Variants in IFT74 observed in about 807,000 individuals in gnomAD.
IFT74 encodes intraflagellar transport 74, also known as intraflagellar transport protein 74 homolog.
IFT74 carries 92 observed loss-of-function variants against 96.7 expected under a neutral mutation model. That is an observed-to-expected ratio of 0.95 (90% CI 0.80 to 1.13). The LOEUF (loss-of-function observed/expected upper bound fraction) is 1.13. Ranked by LOEUF, IFT74 falls within the 50% of genes most tolerant of loss-of-function variation. The pLI is 0.00. For missense variants in IFT74, 811 were observed against 698.2 expected (o/e 1.16, Z -1.82); for synonymous variants, 223 against 213.2 (o/e 1.05, Z -0.40).
intron 4 of IFT74, 22 bp downstream of exon 4, chr9:26,980,641 A>C: frequency 6.7e-7 from 1 of 1,496,584 alleles, no homozygotes; most frequent in Non-Finnish European, 9.3e-7. Context: ...ATATCTTTTC[A>C]TCCGTATGTT....
intron 8 of IFT74, among the ~76,000 whole-genome samples, chr9:27,006,385 C>T (rs1267610735): frequency 6.6e-6 from 1 of 152,056 alleles, no homozygotes; most frequent in African/African-American, 2.4e-5. Flanking sequence ...ATAATTTGAA[C>T]TCAGGAATTT....
At chr9:27,040,109 A>C (rs1488211142) in intron 13 of IFT74, among the ~76,000 whole-genome samples, 2 of 152,208 alleles carry the variant, frequency 1.3e-5, no homozygotes, top group Non-Finnish European at 2.9e-5. Flanking sequence ...ATTGCATAAC[A>C]AAAAATGGTT....
chr9:26,947,651 G>C (rs2131445087), intron 1 of IFT74, among the ~76,000 whole-genome samples: 1 of 152,310 alleles, frequency 6.6e-6, no homozygotes, highest in Admixed American at 6.5e-5. Flanking sequence ...AGAATCTCGA[G>C]GTTTTTGCAA....
chr9:26,951,005 T>A (rs959829784), intron 1 of IFT74, among the ~76,000 whole-genome samples: 12 of 152,262 alleles, frequency 7.9e-5, no homozygotes, highest in African/African-American at 2.9e-4. Flanking sequence ...GTCAACTGTC[T>A]GTCTGCATAC....
intron 3 of IFT74, among the ~76,000 whole-genome samples, chr9:26,978,934 G>GGT (rs1359876805): frequency 5.9e-5 from 9 of 151,902 alleles, no homozygotes; most frequent in African/African-American, 2.2e-4. Flanking sequence ...TTAGATCTGT[G>GGT]GTATATATAA....
chr9:27,030,701 G>A (rs1006855293), intron 13 of IFT74, among the ~76,000 whole-genome samples: 1 of 152,198 alleles, frequency 6.6e-6, no homozygotes, highest in South Asian at 2.1e-4. Flanking sequence ...GTAAAGCGGA[G>A]TATTATTGGC....
chr9:27,060,781 A>T, intron 19 of IFT74, 130 bp downstream of exon 19: 1 of 517,120 alleles, frequency 1.9e-6, no homozygotes, highest in East Asian at 3.2e-5. Flanking sequence ...ACACGGTGAA[A>T]CCCCATCTCT....
chr9:26,981,496 C>A (rs765736056), intron 4 of IFT74, among the ~76,000 whole-genome samples: 29 of 151,992 alleles, frequency 1.9e-4, no homozygotes, highest in Non-Finnish European at 3.8e-4. Flanking sequence ...TTGACTGCAA[C>A]CTCTGTCTCC....
intron 1 of IFT74, among the ~76,000 whole-genome samples, chr9:26,960,812 T>C (rs1038143652): frequency 1.3e-5 from 2 of 151,976 alleles, no homozygotes; most frequent in African/African-American, 4.8e-5. Context: ...GCTCCATGTC[T>C]CGCCATGGCT....
chr9:26,959,398 C>A (rs758463404), intron 1 of IFT74, among the ~76,000 whole-genome samples: 9 of 152,128 alleles, frequency 5.9e-5, no homozygotes, highest in Non-Finnish European at 1.3e-4. Context: ...CATGAGCCAC[C>A]GCGCCCGGCT....
intron 18 of IFT74, among the ~76,000 whole-genome samples, chr9:27,059,661 A>T (rs532261507): frequency 2.0e-5 from 3 of 152,370 alleles, no homozygotes; most frequent in African/African-American, 7.2e-5. Flanking sequence ...AGCTCACAGC[A>T]CATACAGTTC....
At chr9:26,947,604 G>C (rs1255121862) in intron 1 of IFT74, 1 of 152,634 alleles carries the variant, frequency 6.6e-6, no homozygotes, top group Non-Finnish European at 1.5e-5. Context: ...AGGTTGTTTG[G>C]TGTCTACTGT....
At chr9:27,002,593 T>C (rs368699232) in intron 8 of IFT74, among the ~76,000 whole-genome samples, 3 of 152,208 alleles carry the variant, frequency 2.0e-5, no homozygotes, top group East Asian at 3.8e-4. Context: ...GAAGATGAGT[T>C]GATGTAAATG....
chr9:27,059,045 A>G (rs1820297110), intron 18 of IFT74, among the ~76,000 whole-genome samples: 1 of 152,210 alleles, frequency 6.6e-6, no homozygotes, highest in Non-Finnish European at 1.5e-5. Context: ...CACTGAATAG[A>G]TGATTTAAGG....
At chr9:27,047,225 A>G (rs777303377) in intron 14 of IFT74, 49 bp from the exon 15 acceptor site, 5 of 1,071,302 alleles carry the variant, frequency 4.7e-6, no homozygotes, top group Non-Finnish European at 7.1e-6. Flanking sequence ...GAGTTTATAT[A>G]GTGTTAACTC....
intron 10 of IFT74, among the ~76,000 whole-genome samples, chr9:27,016,068 G>C (rs1166054827): frequency 6.6e-6 from 1 of 152,042 alleles, no homozygotes; most frequent in East Asian, 1.9e-4. Flanking sequence ...TGCTATAATA[G>C]AATATCACAA....
chr9:26,999,718 A>G, intron 8 of IFT74: 1 of 1,463,074 alleles, frequency 6.8e-7, no homozygotes, highest in East Asian at 2.3e-5. Flanking sequence ...TAGAAAAGAG[A>G]GTATTTTCAT....
intron 2 of IFT74, among the ~76,000 whole-genome samples, chr9:26,967,923 G>A (rs1245829570): frequency 6.6e-6 from 1 of 152,048 alleles, no homozygotes; most frequent in Non-Finnish European, 1.5e-5. Context: ...TTAGTTACCT[G>A]GGGTAAATAC....
chr9:26,947,597 T>G (rs1017793726), intron 1 of IFT74: 1 of 152,672 alleles, frequency 6.5e-6, no homozygotes. Context: ...CTGAGTGAGG[T>G]TGTTTGGTGT....
Sources: allele counts gnomAD v4.1 joint callset (sites outside exome capture counted in the v4.1 genomes callset), GRCh38; gene constraint gnomAD v4.1.1; transcripts MANE v1.5; gene names NCBI Gene and HGNC (gene_info 2026-07-23, HGNC 2026-07-21).